Variants in KANK1 observed in about 807,000 individuals in gnomAD.
KANK1 encodes the protein KN motif and ankyrin repeat domain-containing protein 1.
In KANK1, 109 loss-of-function variants were observed where a neutral mutation model predicts 106.2. The ratio of observed to expected loss-of-function variants is 1.03; its 90% CI spans 0.88 to 1.20. The LOEUF (loss-of-function observed/expected upper bound fraction) is 1.20. Among genes scored for constraint, KANK1 ranks in the 50% most tolerant of loss-of-function variants. The pLI, the probability that KANK1 is intolerant of heterozygous loss-of-function variation, is 0.00. For missense variants in KANK1, 2,399 were observed against 1,710.7 expected, an observed-to-expected ratio of 1.40 and a Z score of -7.10; for synonymous variants, 873 against 652.2, an observed-to-expected ratio of 1.34 and a Z score of -5.16.
intron 5 of KANK1, 42 bp downstream of exon 5, chr9:731,308 T>C: frequency 8.7e-7 from 1 of 1,149,436 alleles, no homozygotes; most frequent in Non-Finnish European, 1.3e-6. Context: ...GCTGTCAGTC[T>C]CCTTTACCTC....
chr9:717,506 T>C (rs979273813), intron 3 of KANK1, among the ~76,000 whole-genome samples: 2 of 152,160 alleles, frequency 1.3e-5, no homozygotes, highest in Admixed American at 6.5e-5. Flanking sequence ...CACGAACATT[T>C]TTCTAGGATT....
At chr9:743,103 A>G (rs1267256772) in intron 10 of KANK1, among the ~76,000 whole-genome samples, 2 of 152,202 alleles carry the variant, frequency 1.3e-5, no homozygotes, top group African/African-American at 4.8e-5. Flanking sequence ...AGGAACTGGC[A>G]TGTAGGCAGT....
Position 745,092 on chromosome 9 carries a change from G to A in KANK1, c.3997-81G>A, listed in dbSNP as rs1836842779. ...CACAGCTGCTTGTTGCCTGTGGTGG[G>A]CCAAGATCCTATGTCACAGGGTACA... is the stretch of plus-strand genomic sequence containing the variant. On this transcript the variant is annotated intron_variant, in intron 11 of 11. Transcript: ENST00000382297. 1.9e-6 allele frequency: 3 copies of A among 1,563,002 alleles called. No homozygotes were observed. In the African/African-American group the frequency reaches 4.1e-5, roughly 21 times the overall value.
chr9:722,105 T>C (rs1829489203), intron 3 of KANK1, among the ~76,000 whole-genome samples: 1 of 152,238 alleles, frequency 6.6e-6, no homozygotes, highest in African/African-American at 2.4e-5. Context: ...TGTTCATTCC[T>C]AGGCACAGGC....
chr9:597,980 C>T lies in KANK1; in HGVS notation c.-83-78910C>T, dbSNP rs183975585. Reference sequence around the variant, plus strand: ...ACCCCTGGCCTCCCTATGTTTTCTTCTAAGAAGTTATGCTTTTATTTTTTA... The same window carrying T: ...ACCCCTGGCCTCCCTATGTTTTCTTTTAAGAAGTTATGCTTTTATTTTTTA... On this transcript the variant is annotated intron_variant, in intron 1 of 11. Coordinates refer to ENST00000382297, the MANE Select transcript of KANK1 (RefSeq NM_015158.5). Among the ~76,000 whole-genome samples the T allele has an allele frequency of 3.3e-4, 50 of 151,782 alleles. 1 individual carries two copies. Among genetic ancestry groups the T allele is most frequent in the African/African-American group, 1.2e-3 (48 of 41,174 alleles).
intron 1 of KANK1, among the ~76,000 whole-genome samples, chr9:527,472 T>C (rs1242500885): frequency 6.6e-6 from 1 of 151,638 alleles, no homozygotes; most frequent in African/African-American, 2.4e-5. Flanking sequence ...CAGCTAATTA[T>C]GTATTTTTGG....
At chr9:741,370 A>G (rs1835449193) in intron 9 of KANK1, among the ~76,000 whole-genome samples, 1 of 150,596 alleles carries the variant, frequency 6.6e-6, no homozygotes, top group Non-Finnish European at 1.5e-5. Flanking sequence ...CCCAGGCTGG[A>G]GTGCAGTGGC....
chr9:499,055 G>A lies in KANK1; in HGVS notation c.-362+25782G>A, dbSNP rs1350040133. On this transcript the variant is annotated intron_variant, in intron 3 of 15. Transcript: ENST00000382303. Reference sequence around the variant, plus strand: ...TAGCCAGGCGTGGTGGCGAGCGCCTGTAGTCCCAGCTACTCGGGAGGCTGA... The same window carrying A: ...TAGCCAGGCGTGGTGGCGAGCGCCTATAGTCCCAGCTACTCGGGAGGCTGA... Among the ~76,000 whole-genome samples, 4 of 152,064 alleles carry A rather than the reference G, an allele frequency of 2.6e-5. No homozygotes were observed. The East Asian group carries it at 7.7e-4, about 29-fold the overall frequency.
intron 1 of KANK1, among the ~76,000 whole-genome samples, chr9:629,552 T>C (rs1216685577): frequency 1.3e-5 from 2 of 152,190 alleles, no homozygotes; most frequent in Non-Finnish European, 2.9e-5. Flanking sequence ...CTGCCTTCTG[T>C]AAAGGCCCAT....
At chr9:586,153 G>A (rs1823409276) in intron 1 of KANK1, among the ~76,000 whole-genome samples, 1 of 152,226 alleles carries the variant, frequency 6.6e-6, no homozygotes, top group Non-Finnish European at 1.5e-5. Context: ...TGCATAGTGA[G>A]ATGGAATTTT....
chr9:744,188 T>TTAA (rs1360942431), intron 10 of KANK1, among the ~76,000 whole-genome samples: 1 of 151,402 alleles, frequency 6.6e-6, no homozygotes. Context: ...TCATTCATAA[T>TTAA]TAATTAGAAG....
chr9:531,418 G>C (rs987223793), intron 1 of KANK1, among the ~76,000 whole-genome samples: 1 of 152,188 alleles, frequency 6.6e-6, no homozygotes, highest in Non-Finnish European at 1.5e-5. Flanking sequence ...GTGACAGAGT[G>C]AGACCCTGTC....
At chr9:696,813 A>T (rs2129787480) in intron 2 of KANK1, among the ~76,000 whole-genome samples, 1 of 152,220 alleles carries the variant, frequency 6.6e-6, no homozygotes, top group East Asian at 1.9e-4. Flanking sequence ...ATAATATGTA[A>T]TACAGGAAAG....
chr9:660,608 C>G (rs10758794), intron 1 of KANK1, among the ~76,000 whole-genome samples: 127,558 of 152,092 alleles, frequency 0.84, 53,624 homozygotes, highest in East Asian at 0.97. Context: ...CACACCTAGA[C>G]CCCTAAGATC....
At chr9:739,326 T>C (rs1055031121) in intron 8 of KANK1, among the ~76,000 whole-genome samples, 1 of 152,254 alleles carries the variant, frequency 6.6e-6, no homozygotes, top group Non-Finnish European at 1.5e-5. Context: ...GGATGTAGTG[T>C]GAACCTTAGA....
At position 628,389 on chromosome 9, in the gene KANK1, T is replaced by C. The variant is rs192104051; in HGVS notation, c.-83-48501T>C. 2.9e-4 allele frequency among the ~76,000 whole-genome samples: 44 copies of C among 150,746 alleles called. No homozygotes were observed. In the East Asian group the frequency reaches 6.4e-3, roughly 22 times the overall value. On this transcript the variant is annotated intron_variant, in intron 1 of 11. Coordinates refer to ENST00000382297, the MANE Select transcript of KANK1 (RefSeq NM_015158.5). ...TTAGTTCCAAATCCTGAATAACTCCTGTAATGGGCCTCCCAGTAGGGGGGG... is the reference window on the plus strand; with the variant it reads ...TTAGTTCCAAATCCTGAATAACTCCCGTAATGGGCCTCCCAGTAGGGGGGG...
chr9:568,541 G>C (rs1818383772), intron 1 of KANK1, among the ~76,000 whole-genome samples: 1 of 152,160 alleles, frequency 6.6e-6, no homozygotes, highest in African/African-American at 2.4e-5. Context: ...CCAGGTTGGA[G>C]TGCAGTGGTG....
intron 1 of KANK1, among the ~76,000 whole-genome samples, chr9:664,467 A>T (rs1358523555): frequency 6.6e-6 from 1 of 152,016 alleles, no homozygotes; most frequent in Non-Finnish European, 1.5e-5. Context: ...TTAAATATTT[A>T]TTATTATTTT....
At chr9:692,885 C>G (rs991599951) in intron 2 of KANK1, among the ~76,000 whole-genome samples, 2 of 152,068 alleles carry the variant, frequency 1.3e-5, no homozygotes, top group East Asian at 3.9e-4. Context: ...AGCATGGTGT[C>G]GTGCTACTCT....
Sources: allele counts gnomAD v4.1 joint callset (sites outside exome capture counted in the v4.1 genomes callset), GRCh38; gene constraint gnomAD v4.1.1; transcripts MANE v1.5; gene names NCBI Gene and HGNC (gene_info 2026-07-23, HGNC 2026-07-21).